The following ARHGEF26 variants were observed in gnomAD, a reference collection of about 807,000 sequenced individuals.
The protein encoded by ARHGEF26 is Rho guanine nucleotide exchange factor (GEF) 26.
A neutral mutation model predicts 89.4 loss-of-function variants in ARHGEF26; 59 were observed. The ratio of observed to expected loss-of-function variants is 0.66; its 90% CI spans 0.54 to 0.82. The LOEUF is 0.82. ARHGEF26 is among the 40% of genes least tolerant of loss of function. The pLI is 0.00. For missense variants in ARHGEF26, 1,234 were observed against 1,085.6 expected (o/e 1.14, Z -1.92); for synonymous variants, 500 against 428.4 (o/e 1.17, Z -2.06).
chr3:154,122,214 C>G lies in ARHGEF26; in HGVS notation c.222C>G (p.Ser74Arg). 6.2e-7 allele frequency: 1 copy of G among 1,606,900 alleles called. No individual in the cohort carries two copies. The highest frequency in any genetic ancestry group is 1.3e-5 in the African/African-American group (1 of 74,834). ...IPAQVPTASD[S>R]RTVHRSPLLL... ...CCCAGGTGCCCACCGCCTCGGACAG[C>G]AGGACGGTACATAGGAGCCCCCTGC... Residue 74 changes from serine (S) to arginine (R), a missense_variant, in exon 2 of 15, where the codon AGC becomes AGG. Coordinates refer to ENST00000465093, the MANE Select transcript of ARHGEF26 (RefSeq NM_015595.4).
intron 6 of ARHGEF26, among the ~76,000 whole-genome samples, chr3:154,178,389 C>T (rs1712965163): frequency 6.6e-6 from 1 of 152,150 alleles, no homozygotes; most frequent in Non-Finnish European, 1.5e-5. Flanking sequence ...TTAGCGCTCA[C>T]TCCGCATTTC....
intron 9 of ARHGEF26, among the ~76,000 whole-genome samples, chr3:154,196,410 T>C (rs1253987836): frequency 6.6e-6 from 1 of 152,162 alleles, no homozygotes; most frequent in Admixed American, 6.5e-5. Context: ...CATCAGAAGC[T>C]TCCTAAATGT....
rs57181130 is a variant in ARHGEF26 at position 154,213,218 on chromosome 3, T to TGA, written c.1846-4650_1846-4649insAG. Among the ~76,000 whole-genome samples, 127 of 108,536 alleles carry TGA rather than the reference T, an allele frequency of 1.2e-3. 1 individual carries two copies. In the South Asian group the frequency reaches 0.027, roughly 23 times the overall value. 71.2% of individuals were successfully genotyped at this position (108,536 alleles called of 152,430 possible). A position where few individuals can be genotyped will look rare whatever the true frequency, so the allele number is the denominator to read the frequency against. ...GAGTAACATAGAGAGAGAGAGAGAG[T>TGA]GTGTGTGTGTGTGTGTGTGTGTGTA... On this transcript the variant is annotated intron_variant, in intron 9 of 14. Coordinates refer to ENST00000465093, the MANE Select transcript of ARHGEF26 (RefSeq NM_015595.4).
chr3:154,141,072 C>G (rs1338756445), intron 4 of ARHGEF26, among the ~76,000 whole-genome samples: 2 of 152,174 alleles, frequency 1.3e-5, no homozygotes, highest in Non-Finnish European at 2.9e-5. Context: ...CGCAGTTCTC[C>G]TGCCTCAGCC....
rs147258864 is a variant in ARHGEF26, at chr3:154,165,876, A to G, written c.1487+12944A>G. Among the ~76,000 whole-genome samples, 6 of 152,202 alleles carry G rather than the reference A, an allele frequency of 3.9e-5. No homozygotes were observed. The East Asian group carries it at 9.7e-4, about 25-fold the overall frequency. ...TTTTTCTAAACAATAATTTCTATCC[A>G]TGGTATGTGGATTTGGAAGTTAGTC... On this transcript the variant is annotated intron_variant, in intron 6 of 14. Transcript: ENST00000465093.
intron 6 of ARHGEF26, among the ~76,000 whole-genome samples, chr3:154,158,422 C>T (rs1711503608): frequency 6.6e-6 from 1 of 152,094 alleles, no homozygotes; most frequent in Non-Finnish European, 1.5e-5. Context: ...AGTTAGAATC[C>T]TACTGATTGT....
intron 4 of ARHGEF26, among the ~76,000 whole-genome samples, chr3:154,140,355 T>A (rs1719283840): frequency 6.6e-6 from 1 of 152,168 alleles, no homozygotes. Flanking sequence ...ATGCGGCTGC[T>A]AGTTAAGGTC....
chr3:154,214,470 G>A (rs1444912188), intron 9 of ARHGEF26, among the ~76,000 whole-genome samples: 1 of 152,060 alleles, frequency 6.6e-6, no homozygotes, highest in African/African-American at 2.4e-5. Context: ...AGAGGGAGGG[G>A]TCTGAGTGGT....
chr3:154,225,952 A>G lies in ARHGEF26; in HGVS notation c.2032A>G (p.Lys678Glu). The G allele has an allele frequency of 6.2e-7, 1 of 1,613,474 alleles. No individual in the cohort carries two copies. Among genetic ancestry groups the G allele is most frequent in the Non-Finnish European group, 8.5e-7 (1 of 1,179,630 alleles). ...DTVLFSRRTS[K>E]QQVYFFLFND... ...TGTGCTTTTCTCAAGAAGGACATCC[A>G]AACAGCAAGTCTACTTCTTTCTCTT... The change falls in exon 11 of 15, where the codon AAA becomes GAA. Residue 678 changes from lysine (K) to glutamate (E), a missense_variant. Transcript: ENST00000465093.
chr3:154,131,319 A>C (rs1219838271), intron 4 of ARHGEF26, among the ~76,000 whole-genome samples: 2 of 152,204 alleles, frequency 1.3e-5, no homozygotes, highest in African/African-American at 4.8e-5. Flanking sequence ...GACTTTTATG[A>C]GTATTTTCTC....
chr3:154,216,279 A>C, intron 9 of ARHGEF26, among the ~76,000 whole-genome samples: 1 of 151,874 alleles, frequency 6.6e-6, no homozygotes, highest in East Asian at 1.9e-4. Flanking sequence ...CTTGAGATGC[A>C]AAATTTGTTT....
intron 4 of ARHGEF26, among the ~76,000 whole-genome samples, chr3:154,144,036 T>G (rs1719546066): frequency 6.6e-6 from 1 of 152,174 alleles, no homozygotes; most frequent in Admixed American, 6.5e-5. Flanking sequence ...TCAGGATTGA[T>G]CAACAAGTTA....
chr3:154,199,557 T>A (rs1714502236), intron 9 of ARHGEF26, among the ~76,000 whole-genome samples: 2 of 152,294 alleles, frequency 1.3e-5, no homozygotes, highest in South Asian at 2.1e-4. Context: ...ATATACTACT[T>A]TCCTTTATTT....
intron 9 of ARHGEF26, among the ~76,000 whole-genome samples, chr3:154,217,253 T>C (rs1216624431): frequency 1.3e-5 from 2 of 150,772 alleles, no homozygotes; most frequent in South Asian, 4.2e-4. Flanking sequence ...GGTATCTCAT[T>C]GTGGTTTTGA....
In ARHGEF26 at chr3:154,226,080, G is replaced by C. The variant is rs541687399; in HGVS notation, c.2090+70G>C. 5.3e-6 allele frequency: 7 copies of C among 1,331,260 alleles called. No homozygotes were observed. The East Asian group carries it at 1.3e-4, about 24-fold the overall frequency. The allele number at this position is 1,331,260 out of a possible 1,614,324, so 82.5% of individuals were successfully genotyped here. On this transcript the variant is annotated intron_variant, in intron 11 of 14. Coordinates refer to ENST00000465093, the MANE Select transcript of ARHGEF26 (RefSeq NM_015595.4). ...AGTTCTGTAATTCAGATGCCTGTTA[G>C]GGTGATCATCCTTTAAAAGCTAGAA...
intron 13 of ARHGEF26, among the ~76,000 whole-genome samples, chr3:154,254,314 T>C (rs1020113593): frequency 9.9e-5 from 15 of 152,166 alleles, no homozygotes; most frequent in African/African-American, 3.6e-4. Flanking sequence ...CATGTGCTGC[T>C]GTTGGGATGG....
chr3:154,160,913 C>G (rs1036045267), intron 6 of ARHGEF26, among the ~76,000 whole-genome samples: 1 of 152,158 alleles, frequency 6.6e-6, no homozygotes, highest in African/African-American at 2.4e-5. Flanking sequence ...TAGATCCCCT[C>G]TTTGGCTCTA....
intron 3 of ARHGEF26, among the ~76,000 whole-genome samples, chr3:154,129,177 C>G (rs945994416): frequency 1.3e-5 from 2 of 152,092 alleles, no homozygotes; most frequent in African/African-American, 4.8e-5. Context: ...CCATTTTACT[C>G]TCAGCCCTTG....
intron 4 of ARHGEF26, among the ~76,000 whole-genome samples, chr3:154,137,308 T>C (rs1719066363): frequency 6.6e-6 from 1 of 152,158 alleles, no homozygotes; most frequent in Admixed American, 6.5e-5. Context: ...CTTAGCCTCC[T>C]TGCCATATGA....
Sources: allele counts gnomAD v4.1 joint callset (sites outside exome capture counted in the v4.1 genomes callset), GRCh38; gene constraint gnomAD v4.1.1; transcripts MANE v1.5; gene names NCBI Gene and HGNC (gene_info 2026-07-23, HGNC 2026-07-21).